Variants in C16orf78 observed in about 807,000 individuals in gnomAD.
C16orf78 encodes chromosome 16 open reading frame 78.
A neutral mutation model predicts 27.3 loss-of-function variants in C16orf78; 19 were observed. The ratio of observed to expected loss-of-function variants is 0.70; its 90% CI spans 0.49 to 1.02. The LOEUF (loss-of-function observed/expected upper bound fraction) is 1.02. Ranked by LOEUF, C16orf78 falls within the 50% of genes least tolerant of loss-of-function variation. The pLI is 0.00. For synonymous variants in C16orf78, 130 were observed against 116.1 expected, an observed-to-expected ratio of 1.12 and a Z score of -0.77; for missense variants, 339 against 337.0, an observed-to-expected ratio of 1.01 and a Z score of -0.05.
chr16:49,399,315 T>C lies in C16orf78; in HGVS notation c.*37T>C, dbSNP rs1965513131. On this transcript the variant is annotated 3_prime_UTR_variant, in exon 5 of 5. Coordinates refer to ENST00000299191, the MANE Select transcript of C16orf78 (RefSeq NM_144602.4). ...CGCCACCACCTTCAGGCTCCTTCTG[T>C]CATGGGACCCTTCACCTCCAGATGC... The C allele has an allele frequency of 6.2e-7, 1 of 1,609,166 alleles. No individual in the cohort carries two copies. The highest frequency in any genetic ancestry group is 1.8e-4 in the Middle Eastern group (1 of 5,566).
intron 4 of C16orf78, among the ~76,000 whole-genome samples, chr16:49,397,525 G>A (rs767515923): frequency 1.3e-5 from 2 of 152,212 alleles, no homozygotes; most frequent in Non-Finnish European, 2.9e-5. Flanking sequence ...AACAGGGAGA[G>A]ATCTCAGCAG....
intron 3 of C16orf78, among the ~76,000 whole-genome samples, chr16:49,380,838 G>T (rs1965277087): frequency 6.6e-6 from 1 of 152,018 alleles, no homozygotes; most frequent in South Asian, 2.1e-4. Flanking sequence ...TCCAGTTTCA[G>T]CTTTCTACAT....
At chr16:49,392,400 A>G (rs2151615327) in intron 3 of C16orf78, among the ~76,000 whole-genome samples, 1 of 152,358 alleles carries the variant, frequency 6.6e-6, no homozygotes, top group South Asian at 2.1e-4. Flanking sequence ...TTAGGAAGTA[A>G]TTTAAAATAA....
rs749871674 is a variant in C16orf78, at chr16:49,399,250, T to C, written c.770T>C (p.Phe257Ser). The C allele has an allele frequency of 1.2e-6, 2 of 1,614,148 alleles. No individual in the cohort carries two copies. Among genetic ancestry groups the C allele is most frequent in the South Asian group, 2.2e-5 (2 of 91,068 alleles). Residue 257 changes from phenylalanine to serine, a missense_variant, in exon 5 of 5, where the codon TTC (phenylalanine) becomes TCC (serine). Transcript: ENST00000299191. ...VEEDIDAKKVFTGIPSMAL is the reference protein window; with the variant it reads ...VEEDIDAKKVSTGIPSMAL ...GAGGACATAGATGCTAAAAAGGTGT[T>C]CACCGGAATACCCAGCATGGCCCTC...
At chr16:49,383,101 T>TAATAAGG (rs1965307765) in intron 3 of C16orf78, among the ~76,000 whole-genome samples, 1 of 152,210 alleles carries the variant, frequency 6.6e-6, no homozygotes, top group South Asian at 2.1e-4. Context: ...GCCTTGTCTC[T>TAATAAGG]CCTGATGTAA....
At chr16:49,387,334 A>G (rs1224535372) in intron 3 of C16orf78, among the ~76,000 whole-genome samples, 2 of 151,114 alleles carry the variant, frequency 1.3e-5, no homozygotes, top group African/African-American at 4.9e-5. Context: ...TAAGTTTTTT[A>G]TAGGTGCTGG....
chr16:49,376,826 A>G (rs1176711689), intron 1 of C16orf78, among the ~76,000 whole-genome samples: 2 of 152,178 alleles, frequency 1.3e-5, no homozygotes, highest in African/African-American at 4.8e-5. Flanking sequence ...GAGAGCAGAA[A>G]CTTGCCGAGG....
chr16:49,386,563 C>T (rs1028433434), intron 3 of C16orf78, among the ~76,000 whole-genome samples: 4 of 151,920 alleles, frequency 2.6e-5, no homozygotes, highest in African/African-American at 7.3e-5. Flanking sequence ...AACCTAGTAC[C>T]CATTAGTCAT....
At chr16:49,396,339 C>T in intron 3 of C16orf78, 84 bp from the exon 4 acceptor site, 1 of 1,483,900 alleles carries the variant, frequency 6.7e-7, no homozygotes, top group Non-Finnish European at 9.3e-7. Flanking sequence ...CCATGCATTC[C>T]TCCAGCCTTC....
In C16orf78 at chr16:49,377,734, CA is replaced by C; in HGVS notation, c.158del (p.Lys53SerfsTer5). The C allele has an allele frequency of 6.2e-7, 1 of 1,603,258 alleles. No individual in the cohort carries two copies. ...QGKKKQAPEKQKPKVVTVLKR... is the reference protein window; with the variant it reads ...QGKKKQAPEKXKPKVVTVLKR... ...CTCTCTTCCCTTGTCTTTTCAGAAGCAAAAGCCCAAAGTGGTGACAGTCCTT... is the reference window on the plus strand; with the variant it reads ...CTCTCTTCCCTTGTCTTTTCAGAAGCAAAGCCCAAAGTGGTGACAGTCCTT... On this transcript the variant is annotated frameshift_variant, in exon 2 of 5. Transcript: ENST00000299191. LOFTEE classifies it high-confidence loss of function.
At position 49,399,089 on chromosome 16, in the gene C16orf78, G is replaced by T. The variant is rs779433536; in HGVS notation, c.651-42G>T. On this transcript the variant is annotated intron_variant, in intron 4 of 4. Coordinates refer to ENST00000299191, the MANE Select transcript of C16orf78 (RefSeq NM_144602.4). ...TTTCAATAAAGTTAGAAGCTGCTGT[G>T]ACTCCACCTTCAACTGACCTCTTTT... The T allele has an allele frequency of 1.1e-5, 18 of 1,601,066 alleles. No homozygotes were observed. In the African/African-American group the frequency reaches 2.3e-4, roughly 20 times the overall value.
At chr16:49,391,582 A>G (rs1350610093) in intron 3 of C16orf78, among the ~76,000 whole-genome samples, 2 of 152,166 alleles carry the variant, frequency 1.3e-5, no homozygotes, top group Non-Finnish European at 2.9e-5. Flanking sequence ...TCTTGAGCAC[A>G]TTACCTAATC....
chr16:49,383,113 A>G (rs1381434394), intron 3 of C16orf78, among the ~76,000 whole-genome samples: 1 of 152,226 alleles, frequency 6.6e-6, no homozygotes, highest in Non-Finnish European at 1.5e-5. Flanking sequence ...CTGATGTAAT[A>G]AGACCAATGG....
At chr16:49,390,501 G>A (rs1378326038) in intron 3 of C16orf78, among the ~76,000 whole-genome samples, 1 of 152,008 alleles carries the variant, frequency 6.6e-6, no homozygotes, top group Non-Finnish European at 1.5e-5. Context: ...CTAATCTTCT[G>A]TTAATCCCAT....
intron 4 of C16orf78, among the ~76,000 whole-genome samples, chr16:49,397,534 A>G (rs962431611): frequency 1.3e-5 from 2 of 152,234 alleles, no homozygotes; most frequent in Admixed American, 1.3e-4. Context: ...AGATCTCAGC[A>G]GACTGCCTTT....
At chr16:49,377,998 A>C in intron 2 of C16orf78, 148 bp downstream of exon 2, 2 of 1,154,324 alleles carry the variant, frequency 1.7e-6, no homozygotes, top group South Asian at 1.6e-5. Flanking sequence ...CTCAAATAAA[A>C]TCTCCACCCC....
intron 3 of C16orf78, among the ~76,000 whole-genome samples, chr16:49,386,133 G>A (rs1305355485): frequency 1.3e-5 from 2 of 151,840 alleles, no homozygotes; most frequent in African/African-American, 4.8e-5. Flanking sequence ...ATATAACAAG[G>A]GATTGATTCA....
At chr16:49,387,824 T>C (rs1365760937) in intron 3 of C16orf78, among the ~76,000 whole-genome samples, 1 of 152,246 alleles carries the variant, frequency 6.6e-6, no homozygotes, top group African/African-American at 2.4e-5. Context: ...ATCCATTTTT[T>C]CTAGCTTATG....
chr16:49,383,434 C>G (rs544946290), intron 3 of C16orf78, among the ~76,000 whole-genome samples: 13 of 152,200 alleles, frequency 8.5e-5, no homozygotes, highest in African/African-American at 3.1e-4. Flanking sequence ...TTACATGCAC[C>G]CTCCCAGGAA....
Sources: allele counts gnomAD v4.1 joint callset (sites outside exome capture counted in the v4.1 genomes callset), GRCh38; gene constraint gnomAD v4.1.1; transcripts MANE v1.5; gene names NCBI Gene and HGNC (gene_info 2026-07-23, HGNC 2026-07-21).